The following TMPRSS4 variants were observed in gnomAD, a reference collection of about 807,000 sequenced individuals.
The protein encoded by TMPRSS4 is transmembrane protease serine 4.
In TMPRSS4, 45 loss-of-function variants were observed where a neutral mutation model predicts 56.4. The observed-to-expected ratio is 0.80, with a 90% CI of 0.63 to 1.02. The LOEUF (loss-of-function observed/expected upper bound fraction) is 1.02. Among genes scored for constraint, TMPRSS4 ranks in the 50% least tolerant of loss-of-function variants. The probability of loss-of-function intolerance (pLI) is 0.00; values close to 1 mark genes in which losing one functional copy is unlikely to be tolerated. For synonymous variants in TMPRSS4, 205 were observed against 211.0 expected (o/e 0.97, Z 0.25); for missense variants, 546 against 556.7 (o/e 0.98, Z 0.19).
At position 118,113,277 on chromosome 11, in the gene TMPRSS4, C is replaced by G. The variant is rs752276949; in HGVS notation, c.752C>G (p.Thr251Ser). The change falls in exon 9 of 13, where the codon ACC (threonine) becomes AGC (serine). Residue 251 changes from threonine to serine, a missense_variant. Physicochemically the swap from Thr to Ser is moderately conservative, Grantham distance 58. Coordinates refer to ENST00000437212, the MANE Select transcript of TMPRSS4 (RefSeq NM_019894.4). ...LTAAHCFRKH[T>S]DVFNWKVRAG... is the part of the protein sequence containing the mutation. ...GCTGTCTCTACCCCCAGGAAACATA[C>G]CGATGTGTTCAACTGGAAGGTGCGG... The G allele has an allele frequency of 1.1e-5, 17 of 1,613,900 alleles. No individual in the cohort carries two copies. Among genetic ancestry groups the G allele is most frequent in the South Asian group, 4.4e-5 (4 of 91,044 alleles).
rs200816764 is a variant in TMPRSS4 at position 118,108,882 on chromosome 11, C to T, written c.569C>T (p.Ser190Phe). The T allele has an allele frequency of 6.8e-6, 11 of 1,614,122 alleles. No homozygotes were observed. Among genetic ancestry groups the T allele is most frequent in the African/African-American group, 4.0e-5 (3 of 75,032 alleles). ...CCCTGTCTCTCAGGCTCCCTGGTCT[C>T]CCTGCACTGTCTTGGTGAGTACCCC... ...SGPCLSGSLV[S>F]LHCLACGKSL... The change falls in exon 7 of 13, where the codon TCC (serine) becomes TTC (phenylalanine). Residue 190 changes from serine to phenylalanine, a missense_variant. Physicochemically the swap from Ser to Phe is radical, Grantham distance 155. Coordinates refer to ENST00000437212, the MANE Select transcript of TMPRSS4 (RefSeq NM_019894.4).
Position 118,094,870 on chromosome 11 carries a change from G to A in TMPRSS4, c.43+15G>A, listed in dbSNP as rs765390822. The A allele has an allele frequency of 1.6e-5, 26 of 1,611,222 alleles. No homozygotes were observed. Among genetic ancestry groups the A allele is most frequent in the Non-Finnish European group, 2.0e-5 (24 of 1,178,878 alleles). On this transcript the variant is annotated intron_variant, in intron 2 of 12. Coordinates refer to ENST00000437212, the MANE Select transcript of TMPRSS4 (RefSeq NM_019894.4). ...GAACAGCCTCGGTAAGTTCAGGTCC[G>A]GCTTTCATTCGTCCACCTTAGCCTC...
At chr11:118,103,069 C>T in intron 3 of TMPRSS4, 32 bp from the exon 4 acceptor site, 1 of 1,611,936 alleles carries the variant, frequency 6.2e-7, no homozygotes. Context: ...GACCCTCAGC[C>T]CTCTCTGCCT....
At chr11:118,112,775 C>T (rs1195718673) in intron 8 of TMPRSS4, among the ~76,000 whole-genome samples, 1 of 151,706 alleles carries the variant, frequency 6.6e-6, no homozygotes, top group Non-Finnish European at 1.5e-5. Flanking sequence ...CATTAGACCC[C>T]ACCGCTGTCT....
chr11:118,107,730 C>T (rs1451889289), intron 5 of TMPRSS4, 44 bp from the exon 6 acceptor site: 1 of 1,568,228 alleles, frequency 6.4e-7, no homozygotes, highest in African/African-American at 1.4e-5. Context: ...TGTTCTAACC[C>T]CCTGCCCCAG....
At chr11:118,092,765 G>A (rs1435138325) in intron 1 of TMPRSS4, among the ~76,000 whole-genome samples, 5 of 152,244 alleles carry the variant, frequency 3.3e-5, no homozygotes, top group African/African-American at 1.2e-4. Flanking sequence ...GAATGAACAA[G>A]GACAGTTTGG....
intron 7 of TMPRSS4, 92 bp from the exon 8 acceptor site, chr11:118,111,649 C>T: frequency 9.2e-7 from 1 of 1,082,728 alleles, no homozygotes; most frequent in South Asian, 1.9e-5. Flanking sequence ...CATAAGGGCC[C>T]TGCTTAGAGC....
intron 1 of TMPRSS4, among the ~76,000 whole-genome samples, chr11:118,079,252 G>C (rs968575432): frequency 6.6e-6 from 1 of 152,108 alleles, no homozygotes; most frequent in Non-Finnish European, 1.5e-5. Context: ...ATAGCTCCCA[G>C]CCCTGAGGGG....
chr11:118,119,348 A>C lies in TMPRSS4; in HGVS notation c.*1435A>C. ...ACTGATGGCAGTAAATGTGGTCTCA[A>C]ATTGCAGATGGTCTGGAGGAAAATT... On this transcript the variant is annotated 3_prime_UTR_variant, in exon 13 of 13. Coordinates refer to ENST00000437212, the MANE Select transcript of TMPRSS4 (RefSeq NM_019894.4). 38 of 985,414 alleles carry C rather than the reference A, an allele frequency of 3.9e-5. No homozygotes were observed. Among genetic ancestry groups the C allele is most frequent in the Non-Finnish European group, 4.6e-5 (38 of 829,932 alleles). The allele number at this position is 985,414 out of a possible 1,614,324, so 61.0% of individuals were successfully genotyped here. A position where few individuals can be genotyped will look rare whatever the true frequency, so the allele number is the denominator to read the frequency against.
chr11:118,113,568 A>G, intron 9 of TMPRSS4, 133 bp downstream of exon 9: 4 of 995,596 alleles, frequency 4.0e-6, no homozygotes, highest in Non-Finnish European at 5.9e-6. Context: ...TGTCTCTAAT[A>G]CGTCAGCCTA....
chr11:118,122,445 T>C (rs970405379), downstream of TMPRSS4, among the ~76,000 whole-genome samples: 6 of 152,130 alleles, frequency 3.9e-5, no homozygotes, highest in Non-Finnish European at 8.8e-5. Context: ...ATAAAGAGGG[T>C]CACTACATAA....
In TMPRSS4 at chr11:118,119,517, C is replaced by A; in HGVS notation, c.*1604C>A. ...TTAGAACCCCAAAGGCTTCAGATGTCAGAATATTAGAGACTTATGATAATA... is the reference window on the plus strand; with the variant it reads ...TTAGAACCCCAAAGGCTTCAGATGTAAGAATATTAGAGACTTATGATAATA... On this transcript the variant is annotated 3_prime_UTR_variant, in exon 13 of 13. Coordinates refer to ENST00000437212, the MANE Select transcript of TMPRSS4 (RefSeq NM_019894.4). 1 of 210,826 alleles carries A rather than the reference C, an allele frequency of 4.7e-6. No individual in the cohort carries two copies. Among genetic ancestry groups the A allele is most frequent in the Non-Finnish European group, 8.2e-6 (1 of 121,698 alleles). 13.1% of individuals were successfully genotyped at this position (210,826 alleles called of 1,614,324 possible).
intron 2 of TMPRSS4, among the ~76,000 whole-genome samples, chr11:118,096,912 G>A (rs11216743): frequency 0.34 from 3,153 of 9,350 alleles, 584 homozygotes; most frequent in South Asian, 0.4. Context: ...AGAAAGAAAG[G>A]GAGAGAGAAA....
At chr11:118,090,141 C>T (rs1945842168) in intron 1 of TMPRSS4, among the ~76,000 whole-genome samples, 2 of 152,130 alleles carry the variant, frequency 1.3e-5, no homozygotes, top group Admixed American at 6.5e-5. Flanking sequence ...CGTACCTGGC[C>T]CCATCCATAT....
At chr11:118,110,817 C>A (rs1215210443) in intron 7 of TMPRSS4, among the ~76,000 whole-genome samples, 1 of 152,230 alleles carries the variant, frequency 6.6e-6, no homozygotes, top group East Asian at 1.9e-4. Flanking sequence ...CTGCCACTCA[C>A]TTCCTAATGT....
At chr11:118,079,613 A>C (rs867895282) in intron 1 of TMPRSS4, among the ~76,000 whole-genome samples, 1 of 152,176 alleles carries the variant, frequency 6.6e-6, no homozygotes, top group African/African-American at 2.4e-5. Context: ...GAGCCACCAG[A>C]CGTGGGTGTT....
In TMPRSS4 at chr11:118,121,573, G is replaced by C. The variant is rs570513626; in HGVS notation, c.*3660G>C. On this transcript the variant is annotated 3_prime_UTR_variant, in exon 13 of 13. Coordinates refer to ENST00000437212, the MANE Select transcript of TMPRSS4 (RefSeq NM_019894.4). The stretch of plus-strand genomic sequence containing the variant: ...GGGGTTTCACTGTGTTGGCCAGGCC[G>C]GTCTCAAACTCCCGACCTCAAGTGA... 1.3e-5 allele frequency: 2 copies of C among 152,108 alleles called. No individual in the cohort carries two copies. The highest frequency in any genetic ancestry group is 2.1e-4 in the South Asian group (1 of 4,822). 9.4% of individuals were successfully genotyped at this position (152,108 alleles called of 1,614,324 possible).
chr11:118,102,096 A>G (rs758237096), intron 3 of TMPRSS4, among the ~76,000 whole-genome samples: 5 of 151,930 alleles, frequency 3.3e-5, no homozygotes, highest in Non-Finnish European at 7.4e-5. Context: ...GCACTGATCA[A>G]CCCTTCACTG....
intron 1 of TMPRSS4, among the ~76,000 whole-genome samples, chr11:118,080,329 C>T (rs1194420505): frequency 6.6e-6 from 1 of 152,176 alleles, no homozygotes; most frequent in Admixed American, 6.5e-5. Context: ...CATGTGTGAA[C>T]AGCAAGAAAG....
Sources: gnomAD v4.1 joint callset for allele counts (sites outside exome capture counted in the v4.1 genomes callset) on GRCh38, gnomAD v4.1.1 for gene constraint, MANE v1.5 for transcripts, NCBI Gene and HGNC (gene_info 2026-07-23, HGNC 2026-07-21) for gene names.